KIRREL3: variants seen among roughly 807,000 people sequenced by gnomAD.
KIRREL3 encodes the protein kin of IRRE-like protein 3.
KIRREL3 carries 36 observed loss-of-function variants against 89.7 expected under a neutral mutation model. The observed-to-expected ratio is 0.40, with a 90% CI of 0.31 to 0.53. The LOEUF (loss-of-function observed/expected upper bound fraction) is 0.53, where lower values mean the gene tolerates loss of function less well. Among genes scored for constraint, KIRREL3 ranks in the 20% least tolerant of loss-of-function variants. KIRREL3 has a pLI of 0.49. For synonymous variants in KIRREL3, 445 were observed against 441.4 expected (o/e 1.01, Z -0.10); for missense variants, 864 against 1,056.6 (o/e 0.82, Z 2.53).
intron 1 of KIRREL3, among the ~76,000 whole-genome samples, chr11:126,968,356 A>G (rs1425861436): frequency 1.3e-5 from 2 of 152,206 alleles, no homozygotes; most frequent in Non-Finnish European, 2.9e-5. Flanking sequence ...AAAGAAAGAA[A>G]GGGGGAAGAA....
chr11:126,476,522 G>A lies in KIRREL3; in HGVS notation c.434-3056C>T, dbSNP rs1292664955. 2.6e-5 allele frequency among the ~76,000 whole-genome samples: 4 copies of A among 152,232 alleles called. No homozygotes were observed. The South Asian group carries it at 8.3e-4, about 32-fold the overall frequency. On this transcript the variant is annotated intron_variant, in intron 4 of 16. Transcript: ENST00000525144. This position sits in a 1 kb window ranked among gnomAD's most constrained non-coding sequence, Gnocchi z 6.4. ...GTGTTGTGGGAGTGCTCAGGCACAC[G>A]CACAGCCACGCACATACATCCACCC... is the stretch of plus-strand genomic sequence containing the variant.
chr11:126,457,185 A>ATGTGTGTGTGTGTGTGTG (rs35883463), intron 6 of KIRREL3, among the ~76,000 whole-genome samples: 6 of 142,930 alleles, frequency 4.2e-5, no homozygotes, highest in Non-Finnish European at 6.2e-5. Context: ...AAGAGAGATT[A>ATGTGTGTGTGTGTGTGTG]TGTGTGTGTG....
rs1206235391 is a variant in KIRREL3 at position 126,459,358 on chromosome 11, G to A, written c.743-2904C>T. ...CCTGCCATGATCAGCTCACTCGTAA[G>A]GCTGCTCTCCTGCACTTTCCCTTCC... On this transcript the variant is annotated intron_variant, in intron 6 of 16. Coordinates refer to ENST00000525144, the MANE Select transcript of KIRREL3 (RefSeq NM_032531.4). The surrounding 1 kb of genome is among the most constrained non-coding windows in gnomAD (Gnocchi z 4.8). Among the ~76,000 whole-genome samples, 1 of 152,172 alleles carries A rather than the reference G, an allele frequency of 6.6e-6. No individual in the cohort carries two copies. The highest frequency in any genetic ancestry group is 2.4e-5 in the African/African-American group (1 of 41,438).
rs1287595432 is a variant in KIRREL3 at position 126,664,758 on chromosome 11, T to C, written c.56-101846A>G. Among the ~76,000 whole-genome samples the C allele has an allele frequency of 1.3e-5, 2 of 152,180 alleles. No individual in the cohort carries two copies. Among genetic ancestry groups the C allele is most frequent in the African/African-American group, 4.8e-5 (2 of 41,438 alleles). ...GTCCTGGGAGGCTGTTTCAATGACA[T>C]CTCATAGAGACACTTTCCTTTCTAA... On this transcript the variant is annotated intron_variant, in intron 1 of 16. Transcript: ENST00000525144. This position sits in a 1 kb window ranked among gnomAD's most constrained non-coding sequence, Gnocchi z 5.4.
At chr11:126,732,477 T>G (rs1206132751) in intron 1 of KIRREL3, among the ~76,000 whole-genome samples, 1 of 152,112 alleles carries the variant, frequency 6.6e-6, no homozygotes, top group Non-Finnish European at 1.5e-5. Context: ...CGCTCTCTGG[T>G]CAACTGGACT....
intron 1 of KIRREL3, among the ~76,000 whole-genome samples, chr11:126,648,765 A>T (rs1944792530): frequency 1.4e-5 from 1 of 71,206 alleles, no homozygotes. Context: ...TAGGAACTAT[A>T]TCTAAAATAA....
chr11:126,619,627 C>A (rs1170328859), intron 1 of KIRREL3, among the ~76,000 whole-genome samples: 4 of 152,220 alleles, frequency 2.6e-5, no homozygotes, highest in African/African-American at 9.7e-5. Flanking sequence ...GAATTACAAA[C>A]CAGACTTTAG....
chr11:126,673,182 A>C (rs1019626523), intron 1 of KIRREL3, among the ~76,000 whole-genome samples: 1 of 152,272 alleles, frequency 6.6e-6, no homozygotes, highest in Non-Finnish European at 1.5e-5. Context: ...GCAAAGACGC[A>C]GGAATGCAGA....
rs1333355136 is a variant in KIRREL3 at position 126,687,986 on chromosome 11, G to T, written c.56-125074C>A. On this transcript the variant is annotated intron_variant, in intron 1 of 16. Transcript: ENST00000525144. The surrounding 1 kb of genome is among the most constrained non-coding windows in gnomAD (Gnocchi z 4.6). ...GTATTCCAGTGCCAGTTAAATTTGA[G>T]AGAGAAATCATTTTATTTACGAAAA... Among the ~76,000 whole-genome samples, 2 of 152,246 alleles carry T rather than the reference G, an allele frequency of 1.3e-5. No individual in the cohort carries two copies. Among genetic ancestry groups the T allele is most frequent in the Non-Finnish European group, 2.9e-5 (2 of 68,050 alleles).
rs893184397 is a variant in KIRREL3, at chr11:126,427,409, G to A, written c.1807-1685C>T. The stretch of plus-strand genomic sequence containing the variant: ...AGGAGGCACATACAAAGTGTTTTGG[G>A]AGAGCAGAAGGTGCACAGCTCCGCC... On this transcript the variant is annotated intron_variant, in intron 15 of 16. Coordinates refer to ENST00000525144, the MANE Select transcript of KIRREL3 (RefSeq NM_032531.4). This position sits in a 1 kb window ranked among gnomAD's most constrained non-coding sequence, Gnocchi z 5.3. Among the ~76,000 whole-genome samples, 30 of 152,156 alleles carry A rather than the reference G, an allele frequency of 2.0e-4. No homozygotes were observed. Among genetic ancestry groups the A allele is most frequent in the African/African-American group, 7.0e-4 (29 of 41,444 alleles).
At chr11:126,854,394 C>G (rs1944442806) in intron 1 of KIRREL3, among the ~76,000 whole-genome samples, 2 of 152,118 alleles carry the variant, frequency 1.3e-5, no homozygotes, top group South Asian at 2.1e-4. Flanking sequence ...TCCCCATTAC[C>G]TCCAGCCCCT....
At position 126,991,421 on chromosome 11, in the gene KIRREL3, T is replaced by G. The variant is rs1254475085; in HGVS notation, c.55+9034A>C. ...CCAGGGGTGATAAAAGACTTGGATT[T>G]TAATCAACCAATTAAGAGAAGCAAA... On this transcript the variant is annotated intron_variant, in intron 1 of 16. Transcript: ENST00000525144. This position sits in a 1 kb window ranked among gnomAD's most constrained non-coding sequence, Gnocchi z 5.8. Among the ~76,000 whole-genome samples, 9 of 152,150 alleles carry G rather than the reference T, an allele frequency of 5.9e-5. No individual in the cohort carries two copies. Among genetic ancestry groups the G allele is most frequent in the African/African-American group, 2.2e-4 (9 of 41,420 alleles).
Position 126,445,044 on chromosome 11 carries a change from T to C in KIRREL3, c.1187A>G (p.Tyr396Cys). ...ACGGGGCACCACAGCCCGGCACACG[T>C]ACTTGCCCGCGTCCTCCTGGCGCAC... ...KSVRQEDAGK[Y>C]VCRAVVPRVG... The change falls in exon 10 of 17, where the codon TAC (tyrosine) becomes TGC (cysteine). Residue 396 changes from tyrosine to cysteine, a missense_variant. Physicochemically the swap from Tyr to Cys is radical, Grantham distance 194. Transcript: ENST00000525144. 6.2e-7 allele frequency: 1 copy of C among 1,613,972 alleles called. No individual in the cohort carries two copies. The highest frequency in any genetic ancestry group is 8.5e-7 in the Non-Finnish European group (1 of 1,179,886).
chr11:126,451,115 GTGTGTGTGTGCA>G (rs1956104904), intron 7 of KIRREL3, among the ~76,000 whole-genome samples: 1 of 25,902 alleles, frequency 3.9e-5, no homozygotes, highest in African/African-American at 2.1e-4. Flanking sequence ...ATGTGTGCAT[GTGTGTGTGTGCA>G]TGTGCATGTG....
intron 1 of KIRREL3, among the ~76,000 whole-genome samples, chr11:126,586,974 T>C (rs1941892754): frequency 6.6e-6 from 1 of 152,058 alleles, no homozygotes; most frequent in African/African-American, 2.4e-5. Context: ...CCAATAAACG[T>C]CCTTTGAACA....
intron 1 of KIRREL3, among the ~76,000 whole-genome samples, chr11:126,819,533 CA>C (rs200347453): frequency 0.014 from 2,067 of 152,348 alleles, 22 homozygotes; most frequent in Middle Eastern, 0.024. Flanking sequence ...GGCAGCTTCC[CA>C]ATTAGATGGA....
At position 126,687,608 on chromosome 11, in the gene KIRREL3, A is replaced by C. The variant is rs1267449496; in HGVS notation, c.56-124696T>G. ...TTCTGCTACCATCTCTTGCATGCTC[A>C]GTTCATTGATTGATAGAGTAAATCA... On this transcript the variant is annotated intron_variant, in intron 1 of 16. Coordinates refer to ENST00000525144, the MANE Select transcript of KIRREL3 (RefSeq NM_032531.4). This position sits in a 1 kb window ranked among gnomAD's most constrained non-coding sequence, Gnocchi z 4.6. 6.6e-6 allele frequency among the ~76,000 whole-genome samples: 1 copy of C among 152,218 alleles called. No homozygotes were observed. The highest frequency in any genetic ancestry group is 6.5e-5 in the Admixed American group (1 of 15,284).
chr11:126,907,376 G>A (rs1784343), intron 1 of KIRREL3, among the ~76,000 whole-genome samples: 93,979 of 151,980 alleles, frequency 0.62, 29,320 homozygotes, highest in Middle Eastern at 0.8. Context: ...AGTTTCCCCA[G>A]CACTTTGTGA....
In KIRREL3 at chr11:126,475,838, G is replaced by A. The variant is rs1326874874; in HGVS notation, c.434-2372C>T. Reference sequence around the variant, plus strand: ...GGAATTGCATCTCCACGCGGTGAGTGGGGGACTTGCAGCAGGAAGAGCAGG... The same window carrying A: ...GGAATTGCATCTCCACGCGGTGAGTAGGGGACTTGCAGCAGGAAGAGCAGG... On this transcript the variant is annotated intron_variant, in intron 4 of 16. Transcript: ENST00000525144. This position sits in a 1 kb window ranked among gnomAD's most constrained non-coding sequence, Gnocchi z 7.5. Among the ~76,000 whole-genome samples, 1 of 152,234 alleles carries A rather than the reference G, an allele frequency of 6.6e-6. No individual in the cohort carries two copies. Among genetic ancestry groups the A allele is most frequent in the Non-Finnish European group, 1.5e-5 (1 of 68,036 alleles).
Sources: gnomAD v4.1 joint callset for allele counts (sites outside exome capture counted in the v4.1 genomes callset) on GRCh38, gnomAD v4.1.1 for gene constraint, Gnocchi (gnomAD v3.1) non-coding constraint, MANE v1.5 for transcripts, NCBI Gene and HGNC (gene_info 2026-07-23, HGNC 2026-07-21) for gene names.